PLPPR1: variants seen among roughly 807,000 people sequenced by gnomAD.
PLPPR1 encodes phospholipid phosphatase related 1, also known as phospholipid phosphatase-related protein type 1.
A neutral mutation model predicts 33.1 loss-of-function variants in PLPPR1; 10 were observed. The observed-to-expected ratio is 0.30, with a 90% CI of 0.19 to 0.51. The LOEUF (loss-of-function observed/expected upper bound fraction) is 0.51, where lower values mean the gene tolerates loss of function less well. Ranked by LOEUF, PLPPR1 falls within the 20% of genes least tolerant of loss-of-function variation. The pLI, the probability that PLPPR1 is intolerant of heterozygous loss-of-function variation, is 0.97. For synonymous variants in PLPPR1, 151 were observed against 151.0 expected, an observed-to-expected ratio of 1.00 and a Z score of 0.00; for missense variants, 304 against 408.1, an observed-to-expected ratio of 0.74 and a Z score of 2.20.
chr9:101,183,535 C>T (rs1368002580), intron 1 of PLPPR1, among the ~76,000 whole-genome samples: 1 of 151,614 alleles, frequency 6.6e-6, no homozygotes, highest in East Asian at 1.9e-4. Context: ...AGTAAATAGA[C>T]ATGATAATTC....
intron 1 of PLPPR1, among the ~76,000 whole-genome samples, chr9:101,092,591 G>A (rs1341556236): frequency 6.6e-6 from 1 of 152,030 alleles, no homozygotes; most frequent in Non-Finnish European, 1.5e-5. Flanking sequence ...CATTTCCAGG[G>A]GCCCTTACTC....
chr9:101,124,147 C>T (rs1468735575), intron 1 of PLPPR1, among the ~76,000 whole-genome samples: 1 of 152,134 alleles, frequency 6.6e-6, no homozygotes, highest in African/African-American at 2.4e-5. Context: ...CCTTTAATTG[C>T]CGGTTGGTGA....
At chr9:101,140,743 G>T (rs1361522034) in intron 1 of PLPPR1, among the ~76,000 whole-genome samples, 1 of 152,148 alleles carries the variant, frequency 6.6e-6, no homozygotes, top group Non-Finnish European at 1.5e-5. Flanking sequence ...TGGCCAATGA[G>T]TTGTGGGGAG....
At chr9:101,049,775 A>G (rs1830196247) in intron 1 of PLPPR1, among the ~76,000 whole-genome samples, 1 of 152,058 alleles carries the variant, frequency 6.6e-6, no homozygotes, top group East Asian at 1.9e-4. Flanking sequence ...AAATAACCAT[A>G]TATATGTGTA....
intron 1 of PLPPR1, among the ~76,000 whole-genome samples, chr9:101,078,456 T>C (rs1830577375): frequency 6.6e-6 from 1 of 152,082 alleles, no homozygotes; most frequent in African/African-American, 2.4e-5. Context: ...GATTTTCAGT[T>C]TTTTGGGAAT....
chr9:101,260,867 C>A (rs1827885802), intron 2 of PLPPR1, among the ~76,000 whole-genome samples: 1 of 151,996 alleles, frequency 6.6e-6, no homozygotes. Flanking sequence ...CATTTATAGA[C>A]CAGGCTGAAG....
intron 2 of PLPPR1, among the ~76,000 whole-genome samples, chr9:101,233,726 C>G (rs1300390226): frequency 6.6e-6 from 1 of 151,892 alleles, no homozygotes; most frequent in African/African-American, 2.4e-5. Context: ...TTCTCACCCT[C>G]CAGGACTGTC....
intron 2 of PLPPR1, among the ~76,000 whole-genome samples, chr9:101,228,237 T>C (rs540539327): frequency 1.8e-4 from 27 of 152,296 alleles, no homozygotes; most frequent in African/African-American, 6.5e-4. Flanking sequence ...CAAACTCCCC[T>C]CACCCACATG....
chr9:101,232,418 A>T (rs532181873), intron 2 of PLPPR1, among the ~76,000 whole-genome samples: 2 of 151,410 alleles, frequency 1.3e-5, no homozygotes, highest in Admixed American at 1.3e-4. Flanking sequence ...TTGCTCCTAA[A>T]TTGTTCTGTT....
chr9:101,150,457 A>G (rs1419269401), intron 1 of PLPPR1, among the ~76,000 whole-genome samples: 1 of 152,216 alleles, frequency 6.6e-6, no homozygotes, highest in African/African-American at 2.4e-5. Flanking sequence ...ATTTATGTAC[A>G]ATGAAAGAGA....
chr9:101,089,626 T>C (rs1830719003), intron 1 of PLPPR1, among the ~76,000 whole-genome samples: 1 of 152,192 alleles, frequency 6.6e-6, no homozygotes, highest in African/African-American at 2.4e-5. Flanking sequence ...TCTAAAATGG[T>C]ATTTTAATAG....
rs2118967382 is a variant in PLPPR1 at position 101,317,471 on chromosome 9, G to A, written c.920G>A (p.Ser307Asn). The change falls in exon 7 of 8, where the codon AGC becomes AAC. Residue 307 changes from serine to asparagine, a missense_variant. Coordinates refer to ENST00000374874, the MANE Select transcript of PLPPR1 (RefSeq NM_207299.2). ...VPLMAFPRIE[S>N]PLETLSAQNH... ...CTAATGGCTTTCCCAAGGATAGAAA[G>A]CCCTCTGGAAACCTTAAGTGCACAG... The A allele has an allele frequency of 6.2e-7, 1 of 1,613,930 alleles. No individual in the cohort carries two copies. Among genetic ancestry groups the A allele is most frequent in the Admixed American group, 1.7e-5 (1 of 59,980 alleles).
intron 3 of PLPPR1, among the ~76,000 whole-genome samples, chr9:101,280,471 C>G (rs1381010686): frequency 6.6e-6 from 1 of 151,972 alleles, no homozygotes; most frequent in African/African-American, 2.4e-5. Context: ...CAAAACCAGA[C>G]AAAGACACAT....
intron 2 of PLPPR1, among the ~76,000 whole-genome samples, chr9:101,194,666 G>A (rs753124861): frequency 1.3e-5 from 2 of 151,400 alleles, no homozygotes; most frequent in Non-Finnish European, 2.9e-5. Context: ...CAGTAGAATC[G>A]CTTGAACCCG....
intron 1 of PLPPR1, among the ~76,000 whole-genome samples, chr9:101,153,969 A>G (rs1481780885): frequency 6.6e-6 from 1 of 152,008 alleles, no homozygotes; most frequent in Non-Finnish European, 1.5e-5. Flanking sequence ...TGAGATGATC[A>G]TGTGCTTTTG....
intron 1 of PLPPR1, among the ~76,000 whole-genome samples, chr9:101,071,450 C>T (rs761855982): frequency 1.3e-5 from 2 of 152,126 alleles, no homozygotes; most frequent in Admixed American, 6.5e-5. Context: ...TAAGCCCCAA[C>T]GAGTAAGTGG....
chr9:101,094,859 T>C (rs1830794979), intron 1 of PLPPR1, among the ~76,000 whole-genome samples: 1 of 152,152 alleles, frequency 6.6e-6, no homozygotes, highest in African/African-American at 2.4e-5. Context: ...TTTTTTCAGC[T>C]CACTAGTGAC....
At chr9:101,176,608 A>T (rs1826023026) in intron 1 of PLPPR1, among the ~76,000 whole-genome samples, 1 of 151,778 alleles carries the variant, frequency 6.6e-6, no homozygotes, top group Non-Finnish European at 1.5e-5. Context: ...GGAGTGCTGG[A>T]CTCCACCTCT....
chr9:101,094,726 A>G (rs753312031), intron 1 of PLPPR1, among the ~76,000 whole-genome samples: 3 of 152,232 alleles, frequency 2.0e-5, no homozygotes, highest in Non-Finnish European at 4.4e-5. Flanking sequence ...GAATGAATGC[A>G]TACAGCCAGG....
Sources: allele counts gnomAD v4.1 joint callset (sites outside exome capture counted in the v4.1 genomes callset), GRCh38; gene constraint gnomAD v4.1.1; transcripts MANE v1.5; gene names NCBI Gene and HGNC (gene_info 2026-07-23, HGNC 2026-07-21).